The following SCAPER variants were observed in gnomAD, a reference collection of about 807,000 sequenced individuals.
SCAPER encodes S phase cyclin A-associated protein in the endoplasmic reticulum.
In SCAPER, 98 loss-of-function variants were observed where a neutral mutation model predicts 182.2. The observed-to-expected ratio is 0.54, with a 90% CI of 0.46 to 0.64. The LOEUF (loss-of-function observed/expected upper bound fraction) is 0.64, where lower values mean the gene tolerates loss of function less well. Among genes scored for constraint, SCAPER ranks in the 30% least tolerant of loss-of-function variants. The pLI is 0.00. For missense variants in SCAPER, 1,432 were observed against 1,690.0 expected (o/e 0.85, Z 2.68); for synonymous variants, 605 against 564.6 (o/e 1.07, Z -1.01).
chr15:76,723,221 C>A (rs565366296), intron 17 of SCAPER, among the ~76,000 whole-genome samples: 1 of 152,266 alleles, frequency 6.6e-6, no homozygotes, highest in Non-Finnish European at 1.5e-5. Flanking sequence ...TGTTCAGTTT[C>A]CATGAAGTTT....
intron 14 of SCAPER, among the ~76,000 whole-genome samples, chr15:76,760,472 T>A (rs927839816): frequency 5.3e-5 from 8 of 152,198 alleles, no homozygotes; most frequent in African/African-American, 1.7e-4. Context: ...CCTTCACATG[T>A]TTAACAACCC....
chr15:76,820,619 C>T (rs1210638801), intron 5 of SCAPER, among the ~76,000 whole-genome samples: 2 of 151,106 alleles, frequency 1.3e-5, no homozygotes, highest in African/African-American at 4.9e-5. Flanking sequence ...GGGATAGCAT[C>T]AGGAGATACA....
intron 29 of SCAPER, among the ~76,000 whole-genome samples, chr15:76,369,285 A>T: frequency 6.6e-6 from 1 of 152,202 alleles, no homozygotes. Context: ...CTGTGGACAA[A>T]TTGGTTCTGT....
chr15:76,680,649 A>G (rs1598118707), intron 20 of SCAPER, among the ~76,000 whole-genome samples: 1 of 152,012 alleles, frequency 6.6e-6, no homozygotes, highest in South Asian at 2.1e-4. Flanking sequence ...TCCTTCCTCT[A>G]TTAGTTCCCA....
chr15:76,824,385 T>C lies in SCAPER; in HGVS notation c.393+17349A>G, dbSNP rs2067821708. Among the ~76,000 whole-genome samples the C allele has an allele frequency of 3.9e-5, 6 of 152,314 alleles. No homozygotes were observed. In the South Asian group the frequency reaches 1.2e-3, roughly 32 times the overall value. On this transcript the variant is annotated intron_variant, in intron 5 of 31. Coordinates refer to ENST00000563290, the MANE Select transcript of SCAPER (RefSeq NM_020843.4). ...CCTTTGTCCTCCTGACACACAATAC[T>C]AGTGCACAGGCCCTTGGGCCCACGA...
In SCAPER at chr15:76,607,073, T is replaced by C. The variant is rs557832332; in HGVS notation, c.2711+14691A>G. Among the ~76,000 whole-genome samples, 3 of 152,340 alleles carry C rather than the reference T, an allele frequency of 2.0e-5. No individual in the cohort carries two copies. In the East Asian group the frequency reaches 5.8e-4, roughly 29 times the overall value. On this transcript the variant is annotated intron_variant, in intron 22 of 31. Transcript: ENST00000563290. ...ATCCTGTCATTATGATGTTAGCTGG[T>C]TATTTTGCTCGTTAGTTGATGCAGT...
chr15:76,662,265 A>T (rs1598006767), intron 21 of SCAPER, among the ~76,000 whole-genome samples: 1 of 152,326 alleles, frequency 6.6e-6, no homozygotes, highest in East Asian at 1.9e-4. Flanking sequence ...TAGTTGCAGC[A>T]AACCACCATG....
At chr15:76,382,671 C>T (rs1420794051) in intron 27 of SCAPER, among the ~76,000 whole-genome samples, 1 of 152,194 alleles carries the variant, frequency 6.6e-6, no homozygotes, top group Non-Finnish European at 1.5e-5. Context: ...TCCCCATTTA[C>T]TTTGGCTCAA....
intron 29 of SCAPER, among the ~76,000 whole-genome samples, chr15:76,365,820 T>C (rs1410460159): frequency 1.3e-5 from 2 of 152,136 alleles, no homozygotes. Context: ...GGAGTTTGAA[T>C]AGATGATCTC....
In SCAPER at chr15:76,557,683, T is replaced by C. The variant is rs532526259; in HGVS notation, c.2838+16475A>G. 2.6e-5 allele frequency among the ~76,000 whole-genome samples: 4 copies of C among 152,332 alleles called. No homozygotes were observed. The South Asian group carries it at 8.3e-4, about 32-fold the overall frequency. ...AGAAGCTGAGCAGATGACAGAATCATGCTTCCAACTAAACCTCTTTTCTGT... is the reference window on the plus strand; with the variant it reads ...AGAAGCTGAGCAGATGACAGAATCACGCTTCCAACTAAACCTCTTTTCTGT... On this transcript the variant is annotated intron_variant, in intron 23 of 31. Transcript: ENST00000563290.
At position 76,902,477 on chromosome 15, in the gene SCAPER, T is replaced by C. The variant is rs150859681; in HGVS notation, c.-60+2822A>G. On this transcript the variant is annotated intron_variant, in intron 1 of 31. Coordinates refer to ENST00000563290, the MANE Select transcript of SCAPER (RefSeq NM_020843.4). ...AAATCTACACATGTACCCTCTACTATATAAGTTGAATTTTTTTTTAAAAAA... is the reference window on the plus strand; with the variant it reads ...AAATCTACACATGTACCCTCTACTACATAAGTTGAATTTTTTTTTAAAAAA... 8.5e-5 allele frequency among the ~76,000 whole-genome samples: 13 copies of C among 152,310 alleles called. No individual in the cohort carries two copies. In the East Asian group the frequency reaches 1.4e-3, roughly 16 times the overall value.
intron 1 of SCAPER, among the ~76,000 whole-genome samples, chr15:76,895,913 G>A (rs1000192573): frequency 1.7e-4 from 26 of 151,666 alleles, no homozygotes; most frequent in African/African-American, 5.8e-4. Context: ...GGTGGCAGGC[G>A]ACTGTAGTCC....
chr15:76,437,723 G>GT (rs1191688902), intron 25 of SCAPER, among the ~76,000 whole-genome samples: 1 of 152,092 alleles, frequency 6.6e-6, no homozygotes, highest in African/African-American at 2.4e-5. Context: ...TTATCTAGAA[G>GT]TTTTTTTATC....
chr15:76,859,727 G>C (rs921115254), intron 3 of SCAPER, among the ~76,000 whole-genome samples: 3 of 151,826 alleles, frequency 2.0e-5, no homozygotes, highest in Admixed American at 2.0e-4. Context: ...TTTGGGTTTT[G>C]TTTTGTTTTG....
chr15:76,713,712 T>C (rs1468383430), intron 17 of SCAPER, among the ~76,000 whole-genome samples: 1 of 152,014 alleles, frequency 6.6e-6, no homozygotes, highest in African/African-American at 2.4e-5. Context: ...CACACCAGCA[T>C]GGCACATGTA....
intron 23 of SCAPER, among the ~76,000 whole-genome samples, chr15:76,542,306 T>C (rs1014930204): frequency 2.6e-5 from 4 of 152,054 alleles, no homozygotes; most frequent in Non-Finnish European, 5.9e-5. Context: ...GCAGATCATT[T>C]GAGGTCAGGA....
chr15:76,846,990 A>G (rs2070152751), intron 4 of SCAPER, among the ~76,000 whole-genome samples: 8 of 152,256 alleles, frequency 5.3e-5, no homozygotes, highest in Middle Eastern at 6.8e-3. Context: ...CATATACACA[A>G]TGAAGTGCTT....
chr15:76,851,876 A>C (rs1420027967), intron 4 of SCAPER, among the ~76,000 whole-genome samples: 2 of 152,154 alleles, frequency 1.3e-5, no homozygotes, highest in Non-Finnish European at 2.9e-5. Flanking sequence ...CCCCCACTTA[A>C]AAGGCACAGA....
chr15:76,517,696 A>G (rs989480942), intron 23 of SCAPER, among the ~76,000 whole-genome samples: 1 of 152,144 alleles, frequency 6.6e-6, no homozygotes, highest in African/African-American at 2.4e-5. Context: ...CAAAACTAAG[A>G]AATTATATTG....
Sources: allele counts gnomAD v4.1 joint callset (sites outside exome capture counted in the v4.1 genomes callset), GRCh38; gene constraint gnomAD v4.1.1; transcripts MANE v1.5; gene names NCBI Gene and HGNC (gene_info 2026-07-23, HGNC 2026-07-21).